The following TBXAS1 variants were observed in gnomAD, a reference collection of about 807,000 sequenced individuals.
TBXAS1 encodes the protein thromboxane A synthase 1.
TBXAS1 carries 48 observed loss-of-function variants against 60.7 expected under a neutral mutation model. That is an observed-to-expected ratio of 0.79 (90% CI 0.63 to 1.01). The LOEUF is 1.01. TBXAS1 is among the 50% of genes least tolerant of loss of function. The pLI is 0.00. For synonymous variants in TBXAS1, 287 were observed against 269.7 expected, an observed-to-expected ratio of 1.06 and a Z score of -0.63; for missense variants, 685 against 686.3, an observed-to-expected ratio of 1.00 and a Z score of 0.02.
At chr7:139,993,034 A>G (rs1347772098) in intron 9 of TBXAS1, among the ~76,000 whole-genome samples, 1 of 152,078 alleles carries the variant, frequency 6.6e-6, no homozygotes, top group Non-Finnish European at 1.5e-5. Context: ...AAAAACAAAC[A>G]ACAACAAAAA....
At chr7:139,914,192 G>T (rs953113314) in intron 4 of TBXAS1, among the ~76,000 whole-genome samples, 1 of 151,342 alleles carries the variant, frequency 6.6e-6, no homozygotes, top group Non-Finnish European at 1.5e-5. Context: ...ACCATGCCTG[G>T]CTAATTTTAA....
chr7:139,843,425 C>A (rs1799598797), intron 1 of TBXAS1, among the ~76,000 whole-genome samples: 1 of 152,096 alleles, frequency 6.6e-6, no homozygotes, highest in African/African-American at 2.4e-5. Flanking sequence ...TCACTGCAAC[C>A]TCCGCCTCCC....
Position 139,806,666 on chromosome 7 carries a change from C to T in TBXAS1, c.-80+19240C>T, listed in dbSNP as rs200011911. Among the ~76,000 whole-genome samples, 18 of 152,286 alleles carry T rather than the reference C, an allele frequency of 1.2e-4. No homozygotes were observed. The East Asian group carries it at 3.5e-3, about 29-fold the overall frequency. Reference sequence around the variant, plus strand: ...CTCTCCCTCTGCCCTGTCTCCCTCTCTGTCTCCTGCTTCCTGAAACACTCT... The same window carrying T: ...CTCTCCCTCTGCCCTGTCTCCCTCTTTGTCTCCTGCTTCCTGAAACACTCT... On this transcript the variant is annotated intron_variant, in intron 4 of 16. Coordinates refer to the TBXAS1 transcript ENST00000336425.
chr7:139,904,661 A>T (rs1804831476), intron 3 of TBXAS1, among the ~76,000 whole-genome samples: 1 of 150,742 alleles, frequency 6.6e-6, no homozygotes, highest in African/African-American at 2.4e-5. Context: ...AGTTCTTTCC[A>T]CTCCTTGGTT....
At chr7:139,885,945 G>C (rs1050931022) in intron 3 of TBXAS1, among the ~76,000 whole-genome samples, 4 of 152,210 alleles carry the variant, frequency 2.6e-5, no homozygotes, top group Non-Finnish European at 4.4e-5. Context: ...AATTTTGAAT[G>C]TTTGACGTTA....
chr7:139,994,110 G>A (rs1208992712), intron 9 of TBXAS1, among the ~76,000 whole-genome samples: 2 of 151,200 alleles, frequency 1.3e-5, no homozygotes, highest in Admixed American at 1.3e-4. Flanking sequence ...GGCGTGATCT[G>A]GGCTCACTGC....
intron 4 of TBXAS1, among the ~76,000 whole-genome samples, chr7:139,813,197 T>A (rs1272419393): frequency 6.6e-6 from 1 of 152,250 alleles, no homozygotes; most frequent in African/African-American, 2.4e-5. Context: ...CGCTCATTCC[T>A]GTTTGAGGAT....
intron 10 of TBXAS1, among the ~76,000 whole-genome samples, chr7:140,007,791 G>A (rs1814207081): frequency 1.3e-5 from 2 of 152,110 alleles, no homozygotes; most frequent in Non-Finnish European, 2.9e-5. Flanking sequence ...TCAGCACTTT[G>A]AGCTGTAACT....
At chr7:139,816,156 G>A (rs577907726) in intron 4 of TBXAS1, among the ~76,000 whole-genome samples, 19 of 152,228 alleles carry the variant, frequency 1.2e-4, no homozygotes, top group African/African-American at 2.9e-4. Flanking sequence ...TGAAGAAGGC[G>A]CCTGTTTTCC....
intron 4 of TBXAS1, among the ~76,000 whole-genome samples, chr7:139,791,808 G>GTT (rs10617891): frequency 3.4e-4 from 24 of 70,452 alleles, no homozygotes; most frequent in South Asian, 1.9e-3. Flanking sequence ...GGAATGTTTT[G>GTT]TTTTTTTTTT....
At chr7:139,843,499 T>C (rs41711) in intron 1 of TBXAS1, among the ~76,000 whole-genome samples, 150,585 of 152,266 alleles carry the variant, frequency 0.99, 74,471 homozygotes, top group East Asian at 1. Flanking sequence ...CGTGCCACCA[T>C]ACCCAGCTAA....
At chr7:139,785,075 A>T (rs1404692170) in intron 3 of TBXAS1, among the ~76,000 whole-genome samples, 1 of 151,992 alleles carries the variant, frequency 6.6e-6, no homozygotes, top group Non-Finnish European at 1.5e-5. Context: ...TTTTGAATTT[A>T]CTCCCTAGGG....
intron 7 of TBXAS1, 135 bp from the exon 8 acceptor site, chr7:139,957,499 C>A: frequency 9.1e-7 from 1 of 1,095,926 alleles, no homozygotes; most frequent in Non-Finnish European, 1.4e-6. Context: ...TCAGAAGCAG[C>A]AGTGCGGCGG....
At chr7:139,781,021 TA>T (rs1228856773) in intron 2 of TBXAS1, among the ~76,000 whole-genome samples, 1 of 152,162 alleles carries the variant, frequency 6.6e-6, no homozygotes, top group Non-Finnish European at 1.5e-5. Flanking sequence ...ATTTTACAGG[TA>T]GTCTCCTCCC....
At chr7:140,011,710 T>C (rs1049764870) in intron 10 of TBXAS1, among the ~76,000 whole-genome samples, 6 of 152,046 alleles carry the variant, frequency 3.9e-5, no homozygotes, top group African/African-American at 1.4e-4. Context: ...GTTTAAGGGA[T>C]CCAGAATTTC....
At chr7:139,955,403 T>C (rs1027849796) in intron 6 of TBXAS1, 56 bp from the exon 7 acceptor site, 11 of 1,610,302 alleles carry the variant, frequency 6.8e-6, no homozygotes, top group Non-Finnish European at 8.5e-6. Context: ...GAGGGGGCCA[T>C]TGTGGGTAGC....
At chr7:140,018,001 G>A (rs530840788) in intron 12 of TBXAS1, among the ~76,000 whole-genome samples, 168 bp downstream of exon 12, 1 of 152,182 alleles carries the variant, frequency 6.6e-6, no homozygotes, top group Non-Finnish European at 1.5e-5. Flanking sequence ...CGTAAAGTGG[G>A]GGTGATAATA....
At chr7:140,003,119 C>T (rs1357673331) in intron 9 of TBXAS1, among the ~76,000 whole-genome samples, 2 of 133,392 alleles carry the variant, frequency 1.5e-5, no homozygotes, top group African/African-American at 2.9e-5. Flanking sequence ...AGCGAAACTC[C>T]GTCTCAAAAA....
chr7:139,903,140 G>A (rs888627388), intron 3 of TBXAS1, among the ~76,000 whole-genome samples: 5 of 152,050 alleles, frequency 3.3e-5, no homozygotes, highest in East Asian at 1.9e-4. Flanking sequence ...TGTATCATTC[G>A]TATGCCTTTG....
Sources: allele counts gnomAD v4.1 joint callset (sites outside exome capture counted in the v4.1 genomes callset), GRCh38; gene constraint gnomAD v4.1.1; transcripts MANE v1.5; gene names NCBI Gene and HGNC (gene_info 2026-07-23, HGNC 2026-07-21).